TMTC2: variants seen among roughly 807,000 people sequenced by gnomAD.
TMTC2 encodes the protein protein O-mannosyl-transferase TMTC2.
Under a neutral mutation model 82.4 loss-of-function variants are expected in TMTC2, and 43 were observed. That is an observed-to-expected ratio of 0.52 (90% confidence interval 0.41 to 0.67). TMTC2 has a LOEUF of 0.67. Ranked by LOEUF, TMTC2 falls within the 30% of genes least tolerant of loss-of-function variation. The pLI is 0.00. For missense variants in TMTC2, 919 were observed against 1,012.4 expected (o/e 0.91, Z 1.25); for synonymous variants, 408 against 381.9 (o/e 1.07, Z -0.80).
At chr12:82,868,250 C>T (rs149933124) in intron 2 of TMTC2, among the ~76,000 whole-genome samples, 41 of 152,176 alleles carry the variant, frequency 2.7e-4, no homozygotes, top group Non-Finnish European at 3.1e-4. Flanking sequence ...AGCATGGCTG[C>T]GGCTATTCTA....
At chr12:82,852,945 A>C (rs78338135) in intron 1 of TMTC2, among the ~76,000 whole-genome samples, 2,461 of 152,326 alleles carry the variant, frequency 0.016, 37 homozygotes, top group Middle Eastern at 0.024. Context: ...ATCCTACTTA[A>C]GCAGATAACA....
At chr12:83,038,330 A>G (rs1370745656) in intron 9 of TMTC2, among the ~76,000 whole-genome samples, 1 of 152,180 alleles carries the variant, frequency 6.6e-6, no homozygotes, top group African/African-American at 2.4e-5. Flanking sequence ...AGGTAAACAT[A>G]CAATCTCATT....
chr12:82,893,988 G>T (rs553403796), intron 2 of TMTC2, among the ~76,000 whole-genome samples: 1 of 152,312 alleles, frequency 6.6e-6, no homozygotes, highest in African/African-American at 2.4e-5. Context: ...ATATTTGGAC[G>T]TGAAAGTTGT....
chr12:82,979,573 G>A (rs1878831376), intron 7 of TMTC2, among the ~76,000 whole-genome samples: 1 of 151,534 alleles, frequency 6.6e-6, no homozygotes, highest in Admixed American at 6.6e-5. Flanking sequence ...TGTTTTGATT[G>A]GTTCATTTTT....
chr12:82,745,955 T>C (rs752698818), intron 1 of TMTC2, among the ~76,000 whole-genome samples: 2 of 152,224 alleles, frequency 1.3e-5, no homozygotes, highest in Non-Finnish European at 2.9e-5. Flanking sequence ...TCCTGCTTTT[T>C]ACGTGGGCAG....
intron 1 of TMTC2, among the ~76,000 whole-genome samples, chr12:82,733,222 G>A (rs1009999717): frequency 3.9e-5 from 6 of 152,164 alleles, no homozygotes; most frequent in African/African-American, 9.7e-5. Context: ...TCAGTTATAA[G>A]TAATTCATTG....
At chr12:83,073,928 G>T (rs1193462351) in intron 11 of TMTC2, among the ~76,000 whole-genome samples, 1 of 151,882 alleles carries the variant, frequency 6.6e-6, no homozygotes, top group African/African-American at 2.4e-5. Flanking sequence ...GTCTTTCTCT[G>T]GTGCCTCCCT....
intron 1 of TMTC2, among the ~76,000 whole-genome samples, chr12:82,832,551 T>C (rs1033783107): frequency 1.3e-5 from 2 of 152,172 alleles, no homozygotes; most frequent in Admixed American, 6.5e-5. Context: ...TTGTCCTGCA[T>C]TATTGTCTGG....
rs952559775 is a variant in TMTC2, at chr12:82,687,354, G to T, written c.-233G>T. 2 of 571,342 alleles carry T rather than the reference G, an allele frequency of 3.5e-6. No homozygotes were observed. The highest frequency in any genetic ancestry group is 3.8e-5 in the African/African-American group (2 of 53,112). The allele number at this position is 571,342 out of a possible 1,614,324, so 35.4% of individuals were successfully genotyped here. A position where few individuals can be genotyped will look rare whatever the true frequency, so the allele number is the denominator to read the frequency against. ...TCACCGCTTGCGGGCGCCGGGCATG[G>T]GGAGTGTGGTGTGAGCCCGCACCCG... On this transcript the variant is annotated 5_prime_UTR_variant, in exon 1 of 12. Coordinates refer to ENST00000321196, the MANE Select transcript of TMTC2 (RefSeq NM_152588.3).
At position 82,746,773 on chromosome 12, in the gene TMTC2, C is replaced by T. The variant is rs115891811; in HGVS notation, c.83+59104C>T. Among the ~76,000 whole-genome samples, 556 of 152,210 alleles carry T rather than the reference C, an allele frequency of 3.7e-3. 5 individuals are homozygous for T. The highest frequency in any genetic ancestry group is 0.013 in the African/African-American group (539 of 41,534). On this transcript the variant is annotated intron_variant, in intron 1 of 11. Transcript: ENST00000321196. ...TAGCAACGGCAGAACAGGAAGCCAG[C>T]GATATGCAAAGCCTGAGAAGGACTC... is the stretch of plus-strand genomic sequence containing the variant.
At chr12:83,018,006 A>G (rs1371927742) in intron 8 of TMTC2, among the ~76,000 whole-genome samples, 1 of 131,984 alleles carries the variant, frequency 7.6e-6, no homozygotes, top group African/African-American at 2.7e-5. Context: ...GCTTCCTCAT[A>G]TATATAATAT....
At position 82,854,138 on chromosome 12, in the gene TMTC2, AAATC is replaced by A. The variant is rs1290675211; in HGVS notation, c.84-2869_84-2866del. On this transcript the variant is annotated intron_variant, in intron 1 of 11. Transcript: ENST00000321196. ...ACAGTCAATACATGGAGACTTGTAAAAATCAAAATCAAAATGGAAAATCAATCTA... is the reference window on the plus strand; with the variant it reads ...ACAGTCAATACATGGAGACTTGTAAAAAAATCAAAATGGAAAATCAATCTA... Among the ~76,000 whole-genome samples, 3 of 152,292 alleles carry A rather than the reference AAATC, an allele frequency of 2.0e-5. No individual in the cohort carries two copies. In the East Asian group the frequency reaches 5.8e-4, roughly 29 times the overall value.
intron 11 of TMTC2, among the ~76,000 whole-genome samples, chr12:83,118,022 T>A (rs1254332855): frequency 6.6e-6 from 1 of 152,188 alleles, no homozygotes; most frequent in Non-Finnish European, 1.5e-5. Context: ...TAATTTTGTA[T>A]CCAGAAACTT....
intron 3 of TMTC2, among the ~76,000 whole-genome samples, chr12:82,918,770 C>T (rs1196663678): frequency 6.6e-6 from 1 of 151,406 alleles, no homozygotes; most frequent in African/African-American, 2.4e-5. Context: ...CTCTCTCCCT[C>T]TCTTTGAGAC....
In TMTC2 at chr12:83,132,233, G is replaced by C; in HGVS notation, c.2355G>C (p.Leu785=). 2 of 1,612,006 alleles carry C rather than the reference G, an allele frequency of 1.2e-6. No individual in the cohort carries two copies. The highest frequency in any genetic ancestry group is 1.7e-6 in the Non-Finnish European group (2 of 1,179,218). ...AGTATCCGGCTGCTTTGATGAACCT[G>C]GGAGCCATTCTGCACCTCAATGGCA... The part of the protein sequence containing the change: ...RPNYPAALMN[L]GAILHLNGRL... Residue 785 remains leucine (L), a synonymous_variant, in exon 12 of 12, where the codon CTG becomes CTC. Coordinates refer to ENST00000321196, the MANE Select transcript of TMTC2 (RefSeq NM_152588.3).
At chr12:82,760,380 A>G (rs1469524400) in intron 1 of TMTC2, 1 of 150,630 alleles carries the variant, frequency 6.6e-6, no homozygotes, top group Non-Finnish European at 1.5e-5. Flanking sequence ...TCAGGTTTTT[A>G]TTCAATGAAT....
At chr12:83,020,123 A>G (rs1239106095) in intron 8 of TMTC2, among the ~76,000 whole-genome samples, 2 of 152,182 alleles carry the variant, frequency 1.3e-5, no homozygotes, top group Non-Finnish European at 2.9e-5. Flanking sequence ...TATTTCCACT[A>G]AATCAGACCA....
At chr12:82,923,424 T>C (rs2137231668) in intron 3 of TMTC2, among the ~76,000 whole-genome samples, 1 of 152,274 alleles carries the variant, frequency 6.6e-6, no homozygotes, top group African/African-American at 2.4e-5. Flanking sequence ...TGAAATATCT[T>C]CTCCCAGTAT....
intron 1 of TMTC2, among the ~76,000 whole-genome samples, chr12:82,845,997 T>G (rs1185938417): frequency 6.6e-6 from 1 of 151,772 alleles, no homozygotes; most frequent in East Asian, 1.9e-4. Flanking sequence ...CAGCATTGCT[T>G]TATCGGGGGA....
Sources: gnomAD v4.1 joint callset for allele counts (sites outside exome capture counted in the v4.1 genomes callset) on GRCh38, gnomAD v4.1.1 for gene constraint, MANE v1.5 for transcripts, NCBI Gene and HGNC (gene_info 2026-07-23, HGNC 2026-07-21) for gene names.